PRIMPOL: variants seen among roughly 807,000 people sequenced by gnomAD.
PRIMPOL encodes the protein DNA-directed primase/polymerase protein.
In PRIMPOL, 54 loss-of-function variants were observed where a neutral mutation model predicts 63.6. The observed-to-expected ratio is 0.85, with a 90% CI of 0.68 to 1.07. The LOEUF (loss-of-function observed/expected upper bound fraction) is 1.07, where lower values mean the gene tolerates loss of function less well. Ranked by LOEUF, PRIMPOL falls within the 50% of genes least tolerant of loss-of-function variation. PRIMPOL has a pLI of 0.00. For synonymous variants in PRIMPOL, 197 were observed against 220.2 expected, an observed-to-expected ratio of 0.89 and a Z score of 0.93; for missense variants, 610 against 648.3, an observed-to-expected ratio of 0.94 and a Z score of 0.64.
rs758501767 is a variant in PRIMPOL, at chr4:184,665,919, T to C, written c.411T>C (p.Tyr137=). The C allele has an allele frequency of 1.3e-6, 2 of 1,536,916 alleles. No individual in the cohort carries two copies. Among genetic ancestry groups the C allele is most frequent in the East Asian group, 4.6e-5 (2 of 43,256 alleles). The change falls in exon 6 of 14, where the codon TAT becomes TAC. Residue 137 remains tyrosine, a splice_region_variant and synonymous_variant. Transcript: ENST00000314970. Reference sequence around the variant, plus strand: ...TTGCATTTTACTTGTGTTTTTAGTATGTGTGTAAAGCACTTCAAGAGTTAT... The same window carrying C: ...TTGCATTTTACTTGTGTTTTTAGTACGTGTGTAAAGCACTTCAAGAGTTAT... The part of the protein sequence containing the change: ...GKKMVALLIE[Y]VCKALQELYG...
At chr4:184,678,471 A>G in intron 8 of PRIMPOL, 77 bp downstream of exon 8, 1 of 1,033,464 alleles carries the variant, frequency 9.7e-7, no homozygotes, top group Non-Finnish European at 1.4e-6. Flanking sequence ...ATATTACTAA[A>G]ATGTAAATCA....
intron 2 of PRIMPOL, among the ~76,000 whole-genome samples, chr4:184,652,474 AAT>A (rs1744843097): frequency 6.6e-6 from 1 of 152,134 alleles, no homozygotes; most frequent in African/African-American, 2.4e-5. Flanking sequence ...GGGAAATTTA[AAT>A]ATGAGTTACT....
At chr4:184,693,519 C>T (rs1759557082) in intron 13 of PRIMPOL, among the ~76,000 whole-genome samples, 1 of 152,148 alleles carries the variant, frequency 6.6e-6, no homozygotes, top group South Asian at 2.1e-4. Context: ...CATTTTGCCT[C>T]TCCTGCTTCA....
intron 6 of PRIMPOL, among the ~76,000 whole-genome samples, chr4:184,671,732 G>A (rs2705894): frequency 1 from 146,652 of 146,902 alleles, 73,202 homozygotes; most frequent in Middle Eastern, 1. Context: ...AATTTATAGC[G>A]ACTCGGTTTT....
At chr4:184,687,362 C>T (rs1384401830) in intron 11 of PRIMPOL, among the ~76,000 whole-genome samples, 2 of 151,456 alleles carry the variant, frequency 1.3e-5, no homozygotes, top group African/African-American at 2.4e-5. Context: ...TGAGCCACCG[C>T]ACCCAGCCGA....
chr4:184,678,060 G>A (rs1351364429), intron 7 of PRIMPOL, among the ~76,000 whole-genome samples, 172 bp from the exon 8 acceptor site: 1 of 152,116 alleles, frequency 6.6e-6, no homozygotes. Context: ...ATTCCTCCAT[G>A]CTGACTGCAA....
At chr4:184,684,703 G>A (rs1038231942) in intron 9 of PRIMPOL, among the ~76,000 whole-genome samples, 1 of 152,050 alleles carries the variant, frequency 6.6e-6, no homozygotes, top group Non-Finnish European at 1.5e-5. Flanking sequence ...TTGGATTTGG[G>A]CTTGGAATGG....
intron 2 of PRIMPOL, among the ~76,000 whole-genome samples, chr4:184,656,545 A>G (rs961861687): frequency 6.6e-6 from 1 of 152,212 alleles, no homozygotes. Flanking sequence ...AACTAGCCCA[A>G]CTAAAAGTTG....
At chr4:184,651,290 C>CAAAAAAAAAAAAAAAAAAAAAA (rs1203681677) in intron 1 of PRIMPOL, among the ~76,000 whole-genome samples, 12 of 143,918 alleles carry the variant, frequency 8.3e-5, no homozygotes, top group African/African-American at 2.8e-4. Context: ...GACTCTGTCT[C>CAAAAAAAAAAAAAAAAAAAAAA]AAAAAAAAGA....
rs553421128 is a variant in PRIMPOL, at chr4:184,652,490, G to C, written c.-60+390G>C. On this transcript the variant is annotated intron_variant, in intron 2 of 13. Transcript: ENST00000314970. ...GGAAATTTAAATATGAGTTACTTCT[G>C]CTCAAGCATAGAAAGGCAAAGTGAC... 8.5e-5 allele frequency among the ~76,000 whole-genome samples: 13 copies of C among 152,056 alleles called. No homozygotes were observed. In the East Asian group the frequency reaches 2.5e-3, roughly 29 times the overall value.
At chr4:184,683,082 A>G (rs1431343732) in intron 9 of PRIMPOL, among the ~76,000 whole-genome samples, 2 of 151,896 alleles carry the variant, frequency 1.3e-5, no homozygotes, top group African/African-American at 2.4e-5. Flanking sequence ...TCAATCAGTA[A>G]TCTACTTCAG....
At chr4:184,671,238 G>A (rs1751519014) in intron 6 of PRIMPOL, among the ~76,000 whole-genome samples, 2 of 152,186 alleles carry the variant, frequency 1.3e-5, no homozygotes, top group Non-Finnish European at 2.9e-5. Context: ...AGTCCATCGT[G>A]TGCCCAGTTT....
At chr4:184,677,585 C>G (rs1754453908) in intron 7 of PRIMPOL, among the ~76,000 whole-genome samples, 2 of 152,158 alleles carry the variant, frequency 1.3e-5, no homozygotes, top group Admixed American at 1.3e-4. Context: ...AACAATTCCT[C>G]TAAGTTTGTT....
chr4:184,658,672 G>A (rs1054763511), intron 3 of PRIMPOL, among the ~76,000 whole-genome samples: 1 of 152,142 alleles, frequency 6.6e-6, no homozygotes, highest in African/African-American at 2.4e-5. Context: ...TTAGGAGGCT[G>A]AGGCAGGCAG....
intron 9 of PRIMPOL, among the ~76,000 whole-genome samples, chr4:184,682,886 C>CA (rs147442227): frequency 0.13 from 19,781 of 151,448 alleles, 1,366 homozygotes; most frequent in Middle Eastern, 0.18. Context: ...CCTATCTCTA[C>CA]AAAAAATCCA....
At chr4:184,694,429 A>T (rs1760005210) in intron 13 of PRIMPOL, 93 bp from the exon 14 acceptor site, 1 of 1,480,022 alleles carries the variant, frequency 6.8e-7, no homozygotes, top group African/African-American at 1.4e-5. Context: ...GTCACTTAAT[A>T]CCTTACTTCA....
At chr4:184,672,664 T>C (rs1752123201) in intron 7 of PRIMPOL, among the ~76,000 whole-genome samples, 1 of 152,130 alleles carries the variant, frequency 6.6e-6, no homozygotes, top group Non-Finnish European at 1.5e-5. Context: ...CGGCCTGAGC[T>C]CCAGCAGAGG....
Position 184,691,574 on chromosome 4 carries a change from A to T in PRIMPOL, c.1371A>T (p.Lys457Asn), listed in dbSNP as rs1758542439. The T allele has an allele frequency of 6.2e-7, 1 of 1,607,412 alleles. No homozygotes were observed. The highest frequency in any genetic ancestry group is 8.5e-7 in the Non-Finnish European group (1 of 1,175,242). ...CTGTATGTAAAGCAGAAAACTTCAA[A>T]TCTGACTGTAAGTTACTAATTTTTA... is the stretch of plus-strand genomic sequence containing the variant. ...HDPVCKAENF[K>N]SDCFPLPAEV... is the part of the protein sequence containing the mutation. The change falls in exon 12 of 14, where the codon AAA (lysine) becomes AAT (asparagine). Residue 457 changes from lysine (K) to asparagine (N), a missense_variant. By Grantham distance (94) the Lys-to-Asn change is moderately conservative. This residue lies in a region of PRIMPOL where 444 missense variants were observed against 456.4 expected (regional missense o/e 0.97). Coordinates refer to ENST00000314970, the MANE Select transcript of PRIMPOL (RefSeq NM_152683.4).
chr4:184,651,299 GA>G (rs1294543552), intron 1 of PRIMPOL, among the ~76,000 whole-genome samples: 2 of 145,108 alleles, frequency 1.4e-5, no homozygotes, highest in Non-Finnish European at 3.0e-5. Context: ...TCAAAAAAAA[GA>G]AAAAAAAGGG....
Sources: gnomAD v4.1 joint callset for allele counts (sites outside exome capture counted in the v4.1 genomes callset) on GRCh38, gnomAD v4.1.1 for gene constraint, gnomAD v4.1.1 regional missense constraint, MANE v1.5 for transcripts, NCBI Gene and HGNC (gene_info 2026-07-23, HGNC 2026-07-21) for gene names.